GRK4: variants seen among roughly 807,000 people sequenced by gnomAD.
GRK4 encodes the protein G protein-coupled receptor kinase 4, also known as G protein-coupled receptor kinase 2-like.
GRK4 carries 73 observed loss-of-function variants against 77.9 expected under a neutral mutation model. The observed-to-expected ratio is 0.94, with a 90% CI of 0.78 to 1.14. The LOEUF (loss-of-function observed/expected upper bound fraction) is 1.14, where lower values mean the gene tolerates loss of function less well. Ranked by LOEUF, GRK4 falls within the 50% of genes most tolerant of loss-of-function variation. The pLI, the probability that GRK4 is intolerant of heterozygous loss-of-function variation, is 0.00. For synonymous variants in GRK4, 257 were observed against 254.4 expected (o/e 1.01, Z -0.10); for missense variants, 729 against 700.2 (o/e 1.04, Z -0.46).
intron 4 of GRK4, among the ~76,000 whole-genome samples, chr4:2,996,754 A>T (rs2251457): frequency 0.36 from 54,834 of 150,694 alleles, 10,419 homozygotes; most frequent in African/African-American, 0.44. Context: ...TCAACTGGGG[A>T]AACTGCCACA....
rs778283499 is a variant in GRK4, at chr4:3,019,625, A to G, written c.742-16A>G. The G allele has an allele frequency of 1.3e-6, 2 of 1,585,700 alleles. No individual in the cohort carries two copies. The highest frequency in any genetic ancestry group is 2.3e-5 in the South Asian group (2 of 87,768). ...AGCAAGTTCGTGTTCTGTTTTTATG[A>G]TGTTGCTGTCTTTAGGTTAGTTTAG... On this transcript the variant is annotated splice_polypyrimidine_tract_variant and intron_variant, in intron 8 of 15. Coordinates refer to ENST00000398052, the MANE Select transcript of GRK4 (RefSeq NM_182982.3).
intron 13 of GRK4, among the ~76,000 whole-genome samples, chr4:3,036,032 G>A (rs542083675): frequency 6.6e-6 from 1 of 152,270 alleles, no homozygotes; most frequent in East Asian, 1.9e-4. Flanking sequence ...TGTTGCCCAG[G>A]CTACTTTTGA....
At chr4:2,990,643 G>GT (rs1268702250) in intron 3 of GRK4, among the ~76,000 whole-genome samples, 1 of 152,162 alleles carries the variant, frequency 6.6e-6, no homozygotes, top group Non-Finnish European at 1.5e-5. Context: ...AAGTTCTCAT[G>GT]TAGTGGGTAA....
rs530279150 is a variant in GRK4, at chr4:2,968,317, T to A, written c.52+4195T>A. ...GGTCTTATATATTGCAATTCTGTTC[T>A]GATTTCAGGCTGCGGTGTTATTGAG... is the stretch of plus-strand genomic sequence containing the variant. On this transcript the variant is annotated intron_variant, in intron 1 of 15. Coordinates refer to ENST00000398052, the MANE Select transcript of GRK4 (RefSeq NM_182982.3). Among the ~76,000 whole-genome samples, 3 of 152,358 alleles carry A rather than the reference T, an allele frequency of 2.0e-5. No individual in the cohort carries two copies. In the South Asian group the frequency reaches 6.2e-4, roughly 32 times the overall value.
intron 7 of GRK4, 104 bp from the exon 8 acceptor site, chr4:3,013,584 C>A: frequency 7.3e-7 from 1 of 1,369,230 alleles, no homozygotes; most frequent in Non-Finnish European, 1.0e-6. Context: ...TGCACTGCTG[C>A]TGGTCTCTGC....
intron 12 of GRK4, among the ~76,000 whole-genome samples, chr4:3,034,255 G>C (rs939646941): frequency 2.2e-4 from 34 of 152,180 alleles, no homozygotes; most frequent in African/African-American, 6.8e-4. Flanking sequence ...GCCCAGCAAG[G>C]AGCTGAGAGC....
chr4:2,986,512 C>A (rs543509507), intron 2 of GRK4, among the ~76,000 whole-genome samples: 7 of 151,534 alleles, frequency 4.6e-5, no homozygotes, highest in Admixed American at 1.3e-4. Context: ...CCCACCACCA[C>A]GCCCGGCTAA....
At chr4:3,022,571 G>A in intron 10 of GRK4, 120 bp downstream of exon 10, 1 of 871,984 alleles carries the variant, frequency 1.1e-6, no homozygotes, top group Non-Finnish European at 1.8e-6. Context: ...ATAACAAAAA[G>A]AAAAACTCTG....
Position 3,029,482 on chromosome 4 carries a change from A to G in GRK4, c.1269+73A>G, listed in dbSNP as rs1425345700. The G allele has an allele frequency of 4.4e-6, 6 of 1,376,398 alleles. No homozygotes were observed. The Admixed American group carries it at 7.2e-5, about 17-fold the overall frequency. The allele number at this position is 1,376,398 out of a possible 1,614,324, so 85.3% of individuals were successfully genotyped here. ...CTAGTTGTTTTCACTGGCAGCTATA[A>G]CAAAAAAAATTGGTCTGTCATCTTC... On this transcript the variant is annotated intron_variant, in intron 12 of 15. Transcript: ENST00000398052.
At chr4:3,001,819 T>C (rs920451220) in intron 4 of GRK4, among the ~76,000 whole-genome samples, 5 of 152,266 alleles carry the variant, frequency 3.3e-5, no homozygotes, top group African/African-American at 1.2e-4. Context: ...ATAACTGATT[T>C]ATAAACACAG....
intron 4 of GRK4, 137 bp from the exon 5 acceptor site, chr4:3,004,094 G>A: frequency 1.6e-6 from 1 of 635,942 alleles, no homozygotes; most frequent in Admixed American, 2.6e-5. Flanking sequence ...GTGGGACGGG[G>A]TGGAGGGTCC....
At chr4:2,964,156 C>CG in intron 1 of GRK4, 34 bp downstream of exon 1, 10 of 1,545,620 alleles carry the variant, frequency 6.5e-6, no homozygotes, top group South Asian at 1.2e-5. Context: ...GACCCCCCCC[C>CG]CAGAGAACCC....
intron 2 of GRK4, among the ~76,000 whole-genome samples, chr4:2,986,470 C>G (rs1053765985): frequency 6.6e-5 from 10 of 150,872 alleles, no homozygotes; most frequent in Non-Finnish European, 1.2e-4. Context: ...GATTCCCTGC[C>G]TCAGCCTCCC....
intron 4 of GRK4, among the ~76,000 whole-genome samples, chr4:2,992,931 C>G (rs1176892744): frequency 6.6e-6 from 1 of 152,188 alleles, no homozygotes; most frequent in East Asian, 1.9e-4. Flanking sequence ...CTGCAGTGAG[C>G]TGGGATCATA....
chr4:3,026,050 C>G (rs1430535040), intron 10 of GRK4, among the ~76,000 whole-genome samples: 1 of 152,260 alleles, frequency 6.6e-6, no homozygotes, highest in African/African-American at 2.4e-5. Context: ...AGCGTGTCAT[C>G]TCCACCGGTG....
chr4:3,007,914 G>C, intron 6 of GRK4, 86 bp downstream of exon 6: 2 of 881,904 alleles, frequency 2.3e-6, no homozygotes, highest in Non-Finnish European at 3.6e-6. Context: ...GAGGCTGAAG[G>C]ATTGCTTAAG....
Position 2,988,813 on chromosome 4 carries a change from A to T in GRK4, c.235A>T (p.Arg79Trp). The change falls in exon 3 of 16, where the codon AGG becomes TGG. Residue 79 changes from arginine (R) to tryptophan (W), a missense_variant. Physicochemically the swap from Arg to Trp is moderately radical, Grantham distance 101. Transcript: ENST00000398052. ...QFCDTKPTLK[R>W]HIEFLDAVAE... ...CTGTGATACCAAACCCACTCTAAAG[A>T]GGCACATTGAATTCTTGGATGCAGT... The T allele has an allele frequency of 6.2e-7, 1 of 1,609,550 alleles. No individual in the cohort carries two copies. Among genetic ancestry groups the T allele is most frequent in the East Asian group, 2.2e-5 (1 of 44,868 alleles).
At chr4:3,037,299 T>G in intron 13 of GRK4, 75 bp from the exon 14 acceptor site, 1 of 1,427,698 alleles carries the variant, frequency 7.0e-7, no homozygotes. Flanking sequence ...TTGCTGGGCG[T>G]TTCATTCTTG....
chr4:3,036,426 C>A (rs139485531), intron 13 of GRK4, among the ~76,000 whole-genome samples: 1,924 of 152,372 alleles, frequency 0.013, 17 homozygotes, highest in Non-Finnish European at 0.02. Context: ...GCTGTGCTGA[C>A]CGTGGCCTTT....
Sources: gnomAD v4.1 joint callset for allele counts (sites outside exome capture counted in the v4.1 genomes callset) on GRCh38, gnomAD v4.1.1 for gene constraint, MANE v1.5 for transcripts, NCBI Gene and HGNC (gene_info 2026-07-23, HGNC 2026-07-21) for gene names.